The following LRP1B variants were observed in gnomAD, a reference collection of about 807,000 sequenced individuals.
LRP1B encodes low-density lipoprotein receptor-related protein 1B.
LRP1B carries 217 observed loss-of-function variants against 556.6 expected under a neutral mutation model. That is an observed-to-expected ratio of 0.39 (90% confidence interval 0.35 to 0.44). LRP1B has a LOEUF of 0.44. Ranked by LOEUF, LRP1B falls within the 20% of genes least tolerant of loss-of-function variation. LRP1B has a pLI of 1.00. For missense variants in LRP1B, 5,053 were observed against 5,620.8 expected (o/e 0.90, Z 3.23); for synonymous variants, 2,047 against 1,865.8 (o/e 1.10, Z -2.50).
At chr2:141,873,905 T>G (rs1210960961) in intron 1 of LRP1B, among the ~76,000 whole-genome samples, 1 of 151,738 alleles carries the variant, frequency 6.6e-6, no homozygotes, top group Non-Finnish European at 1.5e-5. Flanking sequence ...CCTAGTGAAT[T>G]TTCACGACTA....
At chr2:141,539,001 A>G (rs945703601) in intron 2 of LRP1B, among the ~76,000 whole-genome samples, 1 of 152,218 alleles carries the variant, frequency 6.6e-6, no homozygotes, top group Admixed American at 6.5e-5. Flanking sequence ...ACACATGTAT[A>G]TATTCAATAA....
Position 140,701,853 on chromosome 2 carries a change from A to G in LRP1B, c.6303-8T>C, listed in dbSNP as rs765318673. On this transcript the variant is annotated splice_region_variant and splice_polypyrimidine_tract_variant and intron_variant, in intron 39 of 90. Transcript: ENST00000389484. ...GACCCGTTTGCATGTGCTCTGCCAAAAAGTTGAACATACATGATCAACAAT... is the reference window on the plus strand; with the variant it reads ...GACCCGTTTGCATGTGCTCTGCCAAGAAGTTGAACATACATGATCAACAAT... 2 of 1,612,718 alleles carry G rather than the reference A, an allele frequency of 1.2e-6. No homozygotes were observed. Among genetic ancestry groups the G allele is most frequent in the East Asian group, 2.2e-5 (1 of 44,852 alleles).
chr2:142,115,564 AATATATAT>A, intron 1 of LRP1B, among the ~76,000 whole-genome samples: 1 of 41,006 alleles, frequency 2.4e-5, no homozygotes, highest in Admixed American at 4.7e-4. Flanking sequence ...TTATATATGT[AATATATAT>A]TATATATGTA....
chr2:140,601,898 C>T (rs1682687376), intron 41 of LRP1B, among the ~76,000 whole-genome samples: 1 of 151,948 alleles, frequency 6.6e-6, no homozygotes, highest in South Asian at 2.1e-4. Context: ...AAATAATTGC[C>T]TTTCATTTTG....
intron 21 of LRP1B, among the ~76,000 whole-genome samples, chr2:140,919,664 C>A (rs1694680267): frequency 6.6e-6 from 1 of 152,070 alleles, no homozygotes; most frequent in African/African-American, 2.4e-5. Flanking sequence ...TAGCTCAGCA[C>A]ACCACTTGAT....
intron 1 of LRP1B, among the ~76,000 whole-genome samples, chr2:141,894,607 C>T (rs1045482372): frequency 1.3e-5 from 2 of 151,096 alleles, no homozygotes; most frequent in Non-Finnish European, 2.9e-5. Context: ...ACACAGAAAT[C>T]AACAAGAGGA....
In LRP1B at chr2:140,950,138, CA is replaced by C. The variant is rs1695669482; in HGVS notation, c.3136+96del. 11 of 893,446 alleles carry C rather than the reference CA, an allele frequency of 1.2e-5. No homozygotes were observed. The Admixed American group carries it at 3.6e-4, about 29-fold the overall frequency. The allele number at this position is 893,446 out of a possible 1,614,324, so 55.3% of individuals were successfully genotyped here. On this transcript the variant is annotated intron_variant, in intron 20 of 90. Transcript: ENST00000389484. ...CACATGTATATTCTTGCCTAATAAG[CA>C]ATTTCTTTTTATACAATATTCTCTC...
At position 141,261,839 on chromosome 2, in the gene LRP1B, G is replaced by A. The variant is rs577805418; in HGVS notation, c.344-7198C>T. The stretch of plus-strand genomic sequence containing the variant: ...CCAGTTTGGAGTTACTATGCATTAA[G>A]TCTCTATAAATATTTACATACAGAT... On this transcript the variant is annotated intron_variant, in intron 3 of 90. Coordinates refer to ENST00000389484, the MANE Select transcript of LRP1B (RefSeq NM_018557.3). Among the ~76,000 whole-genome samples the A allele has an allele frequency of 2.6e-5, 4 of 152,162 alleles. No individual in the cohort carries two copies. The East Asian group carries it at 7.7e-4, about 29-fold the overall frequency.
chr2:141,085,612 G>A (rs540406086), intron 7 of LRP1B, among the ~76,000 whole-genome samples: 1 of 152,266 alleles, frequency 6.6e-6, no homozygotes, highest in Admixed American at 6.5e-5. Context: ...GAGACCAGCA[G>A]CCTTCAGAAC....
In LRP1B at chr2:141,119,138, T is replaced by C. The variant is rs187868296; in HGVS notation, c.1014-56865A>G. On this transcript the variant is annotated intron_variant, in intron 7 of 90. Coordinates refer to ENST00000389484, the MANE Select transcript of LRP1B (RefSeq NM_018557.3). ...TCCTGGTTGCTAAATGCTCCATCTT[T>C]AACACAATTTTGAGATAATATAGAC... 7.2e-5 allele frequency among the ~76,000 whole-genome samples: 11 copies of C among 152,034 alleles called. 1 individual carries two copies. In the East Asian group the frequency reaches 1.5e-3, roughly 21 times the overall value.
chr2:141,700,475 CG>C (rs1467468808), intron 2 of LRP1B, among the ~76,000 whole-genome samples: 6 of 151,742 alleles, frequency 4.0e-5, no homozygotes, highest in African/African-American at 1.5e-4. Context: ...ATTGAGCTAA[CG>C]TTTTTCATTA....
intron 52 of LRP1B, among the ~76,000 whole-genome samples, chr2:140,508,490 G>A (rs1358943107): frequency 6.6e-6 from 1 of 152,000 alleles, no homozygotes; most frequent in African/African-American, 2.4e-5. Flanking sequence ...TAACACATAA[G>A]GGTTTTTAAA....
At chr2:141,900,290 C>T (rs541066236) in intron 1 of LRP1B, among the ~76,000 whole-genome samples, 2 of 152,080 alleles carry the variant, frequency 1.3e-5, no homozygotes, top group East Asian at 3.9e-4. Flanking sequence ...AAAATAATCC[C>T]TGAAAAACTG....
At chr2:141,175,700 C>T (rs1227840376) in intron 7 of LRP1B, among the ~76,000 whole-genome samples, 1 of 152,098 alleles carries the variant, frequency 6.6e-6, no homozygotes, top group Non-Finnish European at 1.5e-5. Flanking sequence ...ACAGAGTCCC[C>T]ACTGGGGCAC....
At chr2:140,945,132 G>C (rs1193415045) in intron 20 of LRP1B, among the ~76,000 whole-genome samples, 1 of 151,972 alleles carries the variant, frequency 6.6e-6, no homozygotes, top group East Asian at 1.9e-4. Flanking sequence ...GATAAATCAA[G>C]AATACAATCC....
intron 31 of LRP1B, among the ~76,000 whole-genome samples, chr2:140,838,159 T>C (rs1003439463): frequency 1.1e-4 from 16 of 152,308 alleles, no homozygotes; most frequent in Admixed American, 2.0e-4. Context: ...AACATTTTGG[T>C]ATAAACTATG....
At chr2:140,804,276 T>A (rs928032762) in intron 32 of LRP1B, among the ~76,000 whole-genome samples, 2 of 152,266 alleles carry the variant, frequency 1.3e-5, no homozygotes, top group African/African-American at 4.8e-5. Flanking sequence ...ATAACAAGAT[T>A]AAATGCATCA....
chr2:141,358,788 T>C (rs929294085), intron 3 of LRP1B, among the ~76,000 whole-genome samples: 3 of 152,192 alleles, frequency 2.0e-5, no homozygotes, highest in African/African-American at 4.8e-5. Context: ...TTGATAGAGA[T>C]GATAGGCCAA....
chr2:141,308,396 T>A (rs979243927), intron 3 of LRP1B, among the ~76,000 whole-genome samples: 2 of 152,210 alleles, frequency 1.3e-5, no homozygotes, highest in East Asian at 3.8e-4. Flanking sequence ...TGAATTGTGT[T>A]TTCTTACAAA....
Sources: allele counts gnomAD v4.1 joint callset (sites outside exome capture counted in the v4.1 genomes callset), GRCh38; gene constraint gnomAD v4.1.1; transcripts MANE v1.5; gene names NCBI Gene and HGNC (gene_info 2026-07-23, HGNC 2026-07-21).